ICE2: variants seen among roughly 807,000 people sequenced by gnomAD.
ICE2 encodes the protein interactor of little elongation complex ELL subunit 2.
Under a neutral mutation model 105.4 loss-of-function variants are expected in ICE2, and 87 were observed. The ratio of observed to expected loss-of-function variants is 0.83; its 90% CI spans 0.69 to 0.99. ICE2 has a LOEUF of 0.99. Ranked by LOEUF, ICE2 falls within the 50% of genes least tolerant of loss-of-function variation. The pLI, the probability that ICE2 is intolerant of heterozygous loss-of-function variation, is 0.00. For missense variants in ICE2, 1,323 were observed against 1,146.7 expected (o/e 1.15, Z -2.22); for synonymous variants, 399 against 392.0 (o/e 1.02, Z -0.21).
intron 9 of ICE2, chr15:60,452,089 C>T (rs1380213844): frequency 1.0e-6 from 1 of 985,194 alleles, no homozygotes; most frequent in African/African-American, 1.7e-5. Context: ...TAACCTACCT[C>T]ATGTTTCTTC....
At position 60,452,262 on chromosome 15, in the gene ICE2, A is replaced by G; in HGVS notation, c.1125+1341T>C. On this transcript the variant is annotated intron_variant, in intron 9 of 15. Transcript: ENST00000261520. ...AAAAACATAAACAAATATAAAAACC[A>G]AAAGGCCAATATCCTTAAAATTGTA... is the stretch of plus-strand genomic sequence containing the variant. The G allele has an allele frequency of 8.7e-6, 8 of 914,802 alleles. No homozygotes were observed. In the South Asian group the frequency reaches 1.5e-4, roughly 17 times the overall value. The allele number at this position is 914,802 out of a possible 1,614,324, so 56.7% of individuals were successfully genotyped here. A position where few individuals can be genotyped will look rare whatever the true frequency, so the allele number is the denominator to read the frequency against.
chr15:60,448,462 TG>T (rs2063875872), intron 10 of ICE2, among the ~76,000 whole-genome samples: 1 of 152,228 alleles, frequency 6.6e-6, no homozygotes, highest in Non-Finnish European at 1.5e-5. Context: ...TAGGCAGAGC[TG>T]AGGAGCAGAT....
chr15:60,467,098 T>C (rs1277222863), intron 4 of ICE2, among the ~76,000 whole-genome samples: 1 of 152,108 alleles, frequency 6.6e-6, no homozygotes, highest in Non-Finnish European at 1.5e-5. Flanking sequence ...TGGGGCTGGC[T>C]ATATAGGTGC....
chr15:60,443,869 A>G (rs1192754005), intron 11 of ICE2, among the ~76,000 whole-genome samples: 1 of 151,920 alleles, frequency 6.6e-6, no homozygotes, highest in Non-Finnish European at 1.5e-5. Flanking sequence ...TGAGGTGGGA[A>G]GATTACTTAA....
At chr15:60,456,875 GTAAT>G in intron 5 of ICE2, 81 bp from the exon 6 acceptor site, 4 of 755,472 alleles carry the variant, frequency 5.3e-6, no homozygotes, top group South Asian at 5.3e-5. Context: ...ATGTGACTAT[GTAAT>G]TATTCATTGC....
rs544432695 is a variant in ICE2 at position 60,423,455 on chromosome 15, A to T, written c.*179T>A. 20 of 471,022 alleles carry T rather than the reference A, an allele frequency of 4.2e-5. No individual in the cohort carries two copies. The South Asian group carries it at 5.4e-4, about 13-fold the overall frequency. The allele number at this position is 471,022 out of a possible 1,614,324, so 29.2% of individuals were successfully genotyped here. A position where few individuals can be genotyped will look rare whatever the true frequency, so the allele number is the denominator to read the frequency against. ...TCCTCCTCAAACTTCAAGGGTGAAA[A>T]GCATACCATTCCATTTTAGTTGAAA... On this transcript the variant is annotated 3_prime_UTR_variant, in exon 16 of 16. Transcript: ENST00000261520.
chr15:60,468,005 A>C, intron 4 of ICE2, 56 bp downstream of exon 4: 1 of 1,419,802 alleles, frequency 7.0e-7, no homozygotes, highest in Non-Finnish European at 9.4e-7. Context: ...ATTTAAGATA[A>C]AAATATTTCC....
chr15:60,452,041 C>T (rs2063978775), intron 9 of ICE2: 1 of 971,428 alleles, frequency 1.0e-6, no homozygotes, highest in South Asian at 4.8e-5. Context: ...CCTGGTCTAC[C>T]ATTACTGAAA....
intron 5 of ICE2, among the ~76,000 whole-genome samples, chr15:60,459,434 G>C (rs1364913221): frequency 6.6e-6 from 1 of 152,106 alleles, no homozygotes; most frequent in African/African-American, 2.4e-5. Flanking sequence ...TTACTAAAAT[G>C]AGAACAAGAG....
At chr15:60,441,868 G>C (rs571243037) in intron 12 of ICE2, 1 of 152,300 alleles carries the variant, frequency 6.6e-6, no homozygotes, top group African/African-American at 2.4e-5. Flanking sequence ...CAAAATATTT[G>C]AGGTTTTAAA....
At chr15:60,424,699 G>T (rs1025886919) in intron 15 of ICE2, among the ~76,000 whole-genome samples, 1 of 152,132 alleles carries the variant, frequency 6.6e-6, no homozygotes, top group Admixed American at 6.5e-5. Context: ...AGTAGAGATG[G>T]GGTTTCACCA....
At position 60,477,992 on chromosome 15, in the gene ICE2, G is replaced by A. The variant is rs770921391; in HGVS notation, c.-15C>T. On this transcript the variant is annotated 5_prime_UTR_variant, in exon 2 of 16. Coordinates refer to ENST00000261520, the MANE Select transcript of ICE2 (RefSeq NM_024611.6). ...TTGGAGCTCATCTTCCTAGATTTCT[G>A]CTTCACTCTAGCTCACAGTTCACAG... 3.1e-6 allele frequency: 5 copies of A among 1,613,286 alleles called. No homozygotes were observed. Among genetic ancestry groups the A allele is most frequent in the African/African-American group, 1.3e-5 (1 of 74,888 alleles).
intron 5 of ICE2, among the ~76,000 whole-genome samples, chr15:60,464,773 T>A (rs888152841): frequency 6.6e-6 from 1 of 152,168 alleles, no homozygotes; most frequent in African/African-American, 2.4e-5. Flanking sequence ...ATCCCAGCAC[T>A]CTGAGAGGCT....
At chr15:60,436,449 TTGC>T (rs34172727) in intron 12 of ICE2, among the ~76,000 whole-genome samples, 15,818 of 152,198 alleles carry the variant, frequency 0.1, 924 homozygotes, top group Middle Eastern at 0.21. Flanking sequence ...TCTAAAATAT[TTGC>T]TGAATATATG....
rs1374608225 is a variant in ICE2 at position 60,448,918 on chromosome 15, C to T, written c.2049G>A (p.Leu683=). 5.0e-6 allele frequency: 8 copies of T among 1,613,638 alleles called. No homozygotes were observed. The highest frequency in any genetic ancestry group is 2.7e-5 in the African/African-American group (2 of 74,908). Residue 683 remains leucine (L), a synonymous_variant, in exon 10 of 16, where the codon TTG becomes TTA. Transcript: ENST00000261520. ...NSKQPSVSEQ[L]SGPSDSSSWP... is the part of the protein sequence containing the mutation. ...AACTAGAGGAGTCTGAAGGACCAGA[C>T]AATTGCTCAGAAACAGAAGGCTGTT...
At chr15:60,469,856 C>A (rs983312636) in intron 3 of ICE2, among the ~76,000 whole-genome samples, 2 of 152,176 alleles carry the variant, frequency 1.3e-5, no homozygotes, top group African/African-American at 4.8e-5. Flanking sequence ...AGTATATGAA[C>A]ACAACTTCCT....
At chr15:60,456,867 G>A in intron 5 of ICE2, 73 bp from the exon 6 acceptor site, 8 of 871,238 alleles carry the variant, frequency 9.2e-6, no homozygotes, top group Middle Eastern at 3.0e-4. Context: ...TTAGTTACAT[G>A]TGACTATGTA....
rs1247922558 is a variant in ICE2 at position 60,448,872 on chromosome 15, A to G, written c.2095T>C (p.Ser699Pro). ...SSSWPKSGWP[S>P]AFQKPKGRLP... ...CGTCCTTTTGGCTTCTGAAATGCAG[A>G]AGGCCATCCAGATTTCGGCCAACTA... Residue 699 changes from serine to proline, a missense_variant, in exon 10 of 16, where the codon TCT becomes CCT. Physicochemically the swap from Ser to Pro is moderately conservative, Grantham distance 74. Transcript: ENST00000261520. 3.1e-6 allele frequency: 5 copies of G among 1,593,696 alleles called. No individual in the cohort carries two copies. In the East Asian group the frequency reaches 1.1e-4, roughly 36 times the overall value.
chr15:60,428,294 C>T, intron 15 of ICE2, 135 bp downstream of exon 15: 7 of 1,001,858 alleles, frequency 7.0e-6, no homozygotes, highest in Non-Finnish European at 1.0e-5. Context: ...CTTTATCCTT[C>T]CTATGGATAT....
Sources: gnomAD v4.1 joint callset for allele counts (sites outside exome capture counted in the v4.1 genomes callset) on GRCh38, gnomAD v4.1.1 for gene constraint, MANE v1.5 for transcripts, NCBI Gene and HGNC (gene_info 2026-07-23, HGNC 2026-07-21) for gene names.